Variants in COQ10B observed in about 807,000 individuals in gnomAD.
COQ10B encodes coenzyme Q-binding protein COQ10 homolog B, mitochondrial.
A neutral mutation model predicts 27.6 loss-of-function variants in COQ10B; 12 were observed. That is an observed-to-expected ratio of 0.43 (90% confidence interval 0.28 to 0.70). The LOEUF is 0.70. Among genes scored for constraint, COQ10B ranks in the 30% least tolerant of loss-of-function variants. The pLI is 0.17. For synonymous variants in COQ10B, 115 were observed against 103.0 expected (o/e 1.12, Z -0.71); for missense variants, 278 against 288.7 (o/e 0.96, Z 0.27).
rs373159587 is a variant in COQ10B at position 197,462,625 on chromosome 2, T to C, written c.341T>C (p.Ile114Thr). The C allele has an allele frequency of 3.8e-5, 61 of 1,600,614 alleles. No individual in the cohort carries two copies. The highest frequency in any genetic ancestry group is 4.7e-5 in the Non-Finnish European group (55 of 1,170,696). ...CCTTGGTGCAAAAAATCAGATGTTA[T>C]ATCAAAGAGATCTGGATATTGTAAA... The part of the protein sequence containing the change: ...FVPWCKKSDV[I>T]SKRSGYCKTR... The change falls in exon 3 of 5, where the codon ATA becomes ACA. Residue 114 changes from isoleucine (I) to threonine (T), a missense_variant. Coordinates refer to ENST00000263960, the MANE Select transcript of COQ10B (RefSeq NM_025147.5).
At chr2:197,457,473 G>T (rs564539364) in intron 1 of COQ10B, among the ~76,000 whole-genome samples, 32 of 152,086 alleles carry the variant, frequency 2.1e-4, no homozygotes, top group Non-Finnish European at 4.1e-4. Context: ...TACTTGTGAT[G>T]TCCCAGAAAA....
In COQ10B at chr2:197,461,627, CAGAGAGAGAGAGAG is replaced by C. The variant is rs66918493; in HGVS notation, c.255-887_255-874del. Among the ~76,000 whole-genome samples, 1,048 of 129,512 alleles carry C rather than the reference CAGAGAGAGAGAGAG, an allele frequency of 8.1e-3. 6 individuals carry two copies. The highest frequency in any genetic ancestry group is 0.013 in the Non-Finnish European group (790 of 60,904). 85.0% of individuals were successfully genotyped at this position (129,512 alleles called of 152,430 possible). A position where few individuals can be genotyped will look rare whatever the true frequency, so the allele number is the denominator to read the frequency against. On this transcript the variant is annotated intron_variant, in intron 2 of 4. Coordinates refer to ENST00000263960, the MANE Select transcript of COQ10B (RefSeq NM_025147.5). ...GGAGAGGGAGAGGTGTACAGGGTCT[CAGAGAGAGAGAGAG>C]AGAGAGAGAGAGAGAGAGAGAGAGG...
intron 3 of COQ10B, among the ~76,000 whole-genome samples, chr2:197,463,934 C>CAAAA (rs544425623): frequency 2.2e-4 from 3 of 13,894 alleles, no homozygotes; most frequent in African/African-American, 5.8e-4. Context: ...AACTCTGTCT[C>CAAAA]AAAAAAAAAA....
chr2:197,469,933 A>G (rs1020286780), intron 3 of COQ10B, 137 bp from the exon 4 acceptor site: 3 of 466,414 alleles, frequency 6.4e-6, no homozygotes, highest in African/African-American at 2.0e-5. Context: ...TAAAAATTAG[A>G]TATCTTTATC....
At chr2:197,463,181 G>A (rs2085780008) in intron 3 of COQ10B, among the ~76,000 whole-genome samples, 1 of 152,108 alleles carries the variant, frequency 6.6e-6, no homozygotes, top group Non-Finnish European at 1.5e-5. Context: ...AAGAAAGGTA[G>A]AAAAGATATA....
At chr2:197,461,363 A>C (rs905839406) in intron 2 of COQ10B, among the ~76,000 whole-genome samples, 1 of 152,154 alleles carries the variant, frequency 6.6e-6, no homozygotes, top group Non-Finnish European at 1.5e-5. Context: ...CTCCTCCCAG[A>C]TATTACTGGC....
At chr2:197,473,434 A>ACACACACACATATATATATATATATG (rs2085902987) in intron 4 of COQ10B, among the ~76,000 whole-genome samples, 1 of 109,212 alleles carries the variant, frequency 9.2e-6, no homozygotes, top group South Asian at 3.2e-4. Flanking sequence ...ATATATATAT[A>ACACACACACATATATATATATATATG]TATATATACA....
chr2:197,458,459 T>TA (rs1448642314), intron 1 of COQ10B, among the ~76,000 whole-genome samples: 1 of 152,170 alleles, frequency 6.6e-6, no homozygotes, highest in Non-Finnish European at 1.5e-5. Context: ...CATCTCTTCT[T>TA]CAGCACTTTT....
rs925779328 is a variant in COQ10B, at chr2:197,467,015, C to CCAT, written c.448-3055_448-3054insCAT. On this transcript the variant is annotated intron_variant, in intron 3 of 4. Transcript: ENST00000263960. ...GGCTGGAGTGCAATGGCATGATCTA[C>CCAT]GGCTCACCGCTTCCTTTGCCTCCTG... Among the ~76,000 whole-genome samples the CCAT allele has an allele frequency of 2.7e-5, 4 of 149,906 alleles. No homozygotes were observed. In the East Asian group the frequency reaches 8.0e-4, roughly 30 times the overall value.
In COQ10B at chr2:197,462,596, T is replaced by C; in HGVS notation, c.312T>C (p.Phe104=). ...CGGGAGTGGAGGATTACAAGCATTT[T>C]GTTCCTTGGTGCAAAAAATCAGATG... ...VVSGVEDYKH[F]VPWCKKSDVI... The change falls in exon 3 of 5, where the codon TTT becomes TTC. Residue 104 remains phenylalanine (F), a synonymous_variant. Transcript: ENST00000263960. The C allele has an allele frequency of 3.8e-6, 6 of 1,595,058 alleles. No homozygotes were observed. The highest frequency in any genetic ancestry group is 5.1e-6 in the Non-Finnish European group (6 of 1,166,792).
intron 3 of COQ10B, among the ~76,000 whole-genome samples, chr2:197,466,628 A>G (rs2085827062): frequency 6.6e-6 from 1 of 152,162 alleles, no homozygotes; most frequent in Non-Finnish European, 1.5e-5. Context: ...AGACATTCAT[A>G]ATAATCTTAG....
chr2:197,455,146 T>C (rs1308874254), intron 1 of COQ10B, among the ~76,000 whole-genome samples: 1 of 150,182 alleles, frequency 6.7e-6, no homozygotes. Context: ...TGGGAGGCAA[T>C]ACATGAACCT....
intron 1 of COQ10B, among the ~76,000 whole-genome samples, chr2:197,457,782 C>T (rs575551540): frequency 1.1e-4 from 16 of 152,142 alleles, no homozygotes; most frequent in East Asian, 3.9e-4. Context: ...CCACCACACC[C>T]GGCTAATTTT....
chr2:197,474,530 AC>A lies in COQ10B; in HGVS notation c.*607del, dbSNP rs2085929202. 6.6e-6 allele frequency: 1 copy of A among 152,244 alleles called. No individual in the cohort carries two copies. Among genetic ancestry groups the A allele is most frequent in the Non-Finnish European group, 1.5e-5 (1 of 68,086 alleles). 9.4% of individuals were successfully genotyped at this position (152,244 alleles called of 1,614,324 possible). A position where few individuals can be genotyped will look rare whatever the true frequency, so the allele number is the denominator to read the frequency against. On this transcript the variant is annotated 3_prime_UTR_variant, in exon 5 of 5. Transcript: ENST00000263960. ...GCGAAACCCCATCTCTACTAAAAAT[AC>A]AAAAATTAGCTGGGCGTGGTGGCAC...
At chr2:197,470,759 G>A (rs2085869306) in intron 4 of COQ10B, among the ~76,000 whole-genome samples, 1 of 152,326 alleles carries the variant, frequency 6.6e-6, no homozygotes, top group African/African-American at 2.4e-5. Flanking sequence ...GCCGGGCGTG[G>A]TGGCATGTGC....
intron 4 of COQ10B, among the ~76,000 whole-genome samples, chr2:197,470,756 G>C (rs549729867): frequency 6.6e-6 from 1 of 152,150 alleles, no homozygotes; most frequent in Non-Finnish European, 1.5e-5. Context: ...TTAGCCGGGC[G>C]TGGTGGCATG....
At chr2:197,459,087 A>G (rs16865976) in intron 1 of COQ10B, among the ~76,000 whole-genome samples, 24,021 of 152,214 alleles carry the variant, frequency 0.16, 2,147 homozygotes, top group Middle Eastern at 0.28. Context: ...CTGGTTAACT[A>G]GACATGTTTT....
intron 3 of COQ10B, among the ~76,000 whole-genome samples, chr2:197,469,782 C>T (rs1177501664): frequency 6.6e-6 from 1 of 152,018 alleles, no homozygotes; most frequent in Non-Finnish European, 1.5e-5. Context: ...GAAGCTCCCT[C>T]TTTTGCTTCT....
At chr2:197,458,283 AG>A (rs1207139634) in intron 1 of COQ10B, among the ~76,000 whole-genome samples, 1 of 152,156 alleles carries the variant, frequency 6.6e-6, no homozygotes, top group African/African-American at 2.4e-5. Context: ...TATGTGTATT[AG>A]TATATACATA....
Sources: allele counts gnomAD v4.1 joint callset (sites outside exome capture counted in the v4.1 genomes callset), GRCh38; gene constraint gnomAD v4.1.1; transcripts MANE v1.5; gene names NCBI Gene and HGNC (gene_info 2026-07-23, HGNC 2026-07-21).